Variants in PCDHGA4 observed in about 807,000 individuals in gnomAD.
PCDHGA4 encodes protocadherin gamma-A4.
A neutral mutation model predicts 54.6 loss-of-function variants in PCDHGA4; 38 were observed. The observed-to-expected ratio is 0.70, with a 90% CI of 0.54 to 0.91. The LOEUF is 0.91. PCDHGA4 is among the 40% of genes least tolerant of loss of function. PCDHGA4 has a pLI of 0.00. For synonymous variants in PCDHGA4, 511 were observed against 512.9 expected (o/e 1.00, Z 0.05); for missense variants, 1,298 against 1,220.9 (o/e 1.06, Z -0.94).
chr5:141,473,479 G>A (rs1417960508), intron 1 of PCDHGA4, among the ~76,000 whole-genome samples: 1 of 152,118 alleles, frequency 6.6e-6, no homozygotes, highest in Non-Finnish European at 1.5e-5. Flanking sequence ...AAGTTCAATG[G>A]AAAAAATATA....
At chr5:141,409,769 G>T (rs1413636372) in intron 1 of PCDHGA4, 3 of 1,612,776 alleles carry the variant, frequency 1.9e-6, no homozygotes, top group Middle Eastern at 1.7e-4. Flanking sequence ...CTTTGATCAC[G>T]AGCAGCTGCG....
In PCDHGA4 at chr5:141,415,239, T is replaced by G. The variant is rs781763142; in HGVS notation, c.2514+57618T>G. The G allele has an allele frequency of 8.1e-6, 13 of 1,614,068 alleles. No individual in the cohort carries two copies. The South Asian group carries it at 1.3e-4, about 16-fold the overall frequency. The stretch of plus-strand genomic sequence containing the variant: ...GCAGCTTCGAGTCTCCAGCTAACTC[T>G]GAAACCTCAGACCTCACTCTGTACC... On this transcript the variant is annotated intron_variant, in intron 1 of 3. Coordinates refer to ENST00000571252, the MANE Select transcript of PCDHGA4 (RefSeq NM_018917.4).
At chr5:141,388,486 A>G in intron 1 of PCDHGA4, 1 of 1,613,858 alleles carries the variant, frequency 6.2e-7, no homozygotes, top group Non-Finnish European at 8.5e-7. Context: ...ACACCTTTGG[A>G]CAGAGAAAAG....
At chr5:141,510,831 A>T (rs2154594660) in intron 3 of PCDHGA4, 116 bp from the exon 4 acceptor site, 1 of 1,577,022 alleles carries the variant, frequency 6.3e-7, no homozygotes, top group East Asian at 2.2e-5. Context: ...CCCAGTGCTC[A>T]GCGTGGTCAA....
chr5:141,415,112 T>G, intron 1 of PCDHGA4: 1 of 1,613,626 alleles, frequency 6.2e-7, no homozygotes, highest in Non-Finnish European at 8.5e-7. Flanking sequence ...AAGCAAAGCC[T>G]CGTAGTGGCC....
chr5:141,383,123 T>C, intron 1 of PCDHGA4: 1 of 1,614,066 alleles, frequency 6.2e-7, no homozygotes, highest in Non-Finnish European at 8.5e-7. Context: ...ACGCAGCTTT[T>C]CGCCCTGAAC....
chr5:141,366,302 TTCACGG>T, intron 1 of PCDHGA4: 1 of 1,613,768 alleles, frequency 6.2e-7, no homozygotes, highest in Non-Finnish European at 8.5e-7. Flanking sequence ...GTCAGCCACC[TTCACGG>T]TCACCGTTGC....
At position 141,399,350 on chromosome 5, in the gene PCDHGA4, G is replaced by A. The variant is rs746925566; in HGVS notation, c.2514+41729G>A. On this transcript the variant is annotated intron_variant, in intron 1 of 3. Transcript: ENST00000571252. ...TTGGTAACAGATGGAACCCTAGACC[G>A]AGAGCAAACCCCGGAGTACAATGTC... is the stretch of plus-strand genomic sequence containing the variant. The A allele has an allele frequency of 6.8e-6, 11 of 1,613,966 alleles. No individual in the cohort carries two copies. The South Asian group carries it at 1.1e-4, about 16-fold the overall frequency.
intron 1 of PCDHGA4, chr5:141,375,886 C>A: frequency 1.2e-6 from 2 of 1,613,822 alleles, no homozygotes; most frequent in South Asian, 2.2e-5. Flanking sequence ...CGGGCCAGAA[C>A]GCCTGGCTGT....
chr5:141,383,970 T>A (rs754557705), intron 1 of PCDHGA4: 1 of 1,613,730 alleles, frequency 6.2e-7, no homozygotes, highest in Admixed American at 1.7e-5. Context: ...GCTCAATCCC[T>A]GAAGACACAC....
chr5:141,438,629 T>C (rs1162332421), intron 1 of PCDHGA4, among the ~76,000 whole-genome samples: 9 of 48,096 alleles, frequency 1.9e-4, no homozygotes, highest in Admixed American at 6.4e-4. Context: ...TATATATATA[T>C]ATATATACAC....
intron 1 of PCDHGA4, among the ~76,000 whole-genome samples, chr5:141,450,379 A>C (rs1269979263): frequency 6.6e-6 from 1 of 152,144 alleles, no homozygotes; most frequent in Non-Finnish European, 1.5e-5. Flanking sequence ...GTTTATATGA[A>C]ACTGACATTT....
At chr5:141,361,617 C>T (rs762792613) in intron 1 of PCDHGA4, 3 of 1,613,984 alleles carry the variant, frequency 1.9e-6, no homozygotes, top group South Asian at 1.1e-5. Flanking sequence ...TCGTAGCGAG[C>T]GACCTGAAGC....
intron 1 of PCDHGA4, chr5:141,399,746 C>G (rs1478736881): frequency 2.5e-6 from 4 of 1,613,242 alleles, no homozygotes; most frequent in African/African-American, 2.7e-5. Context: ...GCGCTCAGCG[C>G]AAACGTGAGC....
At chr5:141,382,897 A>G in intron 1 of PCDHGA4, 1 of 1,540,826 alleles carries the variant, frequency 6.5e-7, no homozygotes, top group East Asian at 2.3e-5. Flanking sequence ...AAGCAGGACG[A>G]CTATGGCGGC....
In PCDHGA4 at chr5:141,418,848, G is replaced by A. The variant is rs770294020; in HGVS notation, c.2514+61227G>A. 20 of 1,613,836 alleles carry A rather than the reference G, an allele frequency of 1.2e-5. No individual in the cohort carries two copies. Among genetic ancestry groups the A allele is most frequent in the South Asian group, 6.6e-5 (6 of 91,080 alleles). ...AAAGACCGAGGATCTCTCTCAACAC[G>A]GTGTAAAGTAATTGTAGAAGTTGTA... On this transcript the variant is annotated intron_variant, in intron 1 of 3. Coordinates refer to ENST00000571252, the MANE Select transcript of PCDHGA4 (RefSeq NM_018917.4).
chr5:141,416,791 G>C (rs1389798483), intron 1 of PCDHGA4: 1 of 152,166 alleles, frequency 6.6e-6, no homozygotes, highest in Non-Finnish European at 1.5e-5. Flanking sequence ...TCTACTAAAT[G>C]TGGTAGTATA....
At chr5:141,408,450 A>C in intron 1 of PCDHGA4, 1 of 1,613,944 alleles carries the variant, frequency 6.2e-7, no homozygotes, top group Non-Finnish European at 8.5e-7. Flanking sequence ...GAGAGCGGGG[A>C]CTTACTTGTG....
Position 141,409,638 on chromosome 5 carries a change from C to T in PCDHGA4, c.2514+52017C>T, listed in dbSNP as rs1040366842. The T allele has an allele frequency of 3.1e-6, 5 of 1,613,648 alleles. No homozygotes were observed. The highest frequency in any genetic ancestry group is 1.7e-5 in the Admixed American group (1 of 60,006). ...ATTGCGCAAGTGAGCGCCTCTGACC[C>T]GGATTTGGGGCTCAATGGCCACATC... On this transcript the variant is annotated intron_variant, in intron 1 of 3. Coordinates refer to ENST00000571252, the MANE Select transcript of PCDHGA4 (RefSeq NM_018917.4).
Sources: allele counts gnomAD v4.1 joint callset (sites outside exome capture counted in the v4.1 genomes callset), GRCh38; gene constraint gnomAD v4.1.1; transcripts MANE v1.5; gene names NCBI Gene and HGNC (gene_info 2026-07-23, HGNC 2026-07-21).